Variants in SAMMSON observed in about 807,000 individuals in gnomAD.
The protein encoded by SAMMSON is survival associated mitochondrial melanoma specific oncogenic non-coding RNA.
At chr3:70,387,370 A>G (rs1190331216) in intron 9 of SAMMSON, among the ~76,000 whole-genome samples, 1 of 152,070 alleles carries the variant, frequency 6.6e-6, no homozygotes, top group African/African-American at 2.4e-5. Flanking sequence ...TTTATGAAGG[A>G]GACTCTGTCC....
chr3:70,425,577 A>AT (rs72059563), intron 2 of SAMMSON, among the ~76,000 whole-genome samples: 60,947 of 150,080 alleles, frequency 0.41, 13,685 homozygotes, highest in African/African-American at 0.58. Flanking sequence ...ACGCCCAGCT[A>AT]TTTTTTTTCT....
At chr3:70,405,851 A>C (rs1486736451) in intron 2 of SAMMSON, among the ~76,000 whole-genome samples, 2 of 152,238 alleles carry the variant, frequency 1.3e-5, no homozygotes, top group Non-Finnish European at 2.9e-5. Context: ...AAGTTCAATG[A>C]ATAATGTGTA....
chr3:70,225,005 C>T (rs1701490305), intron 4 of SAMMSON, among the ~76,000 whole-genome samples: 2 of 152,166 alleles, frequency 1.3e-5, no homozygotes, highest in South Asian at 2.1e-4. Flanking sequence ...AATGTTGATA[C>T]GTGTACTCAA....
chr3:70,369,487 AT>A (rs1206551001), intron 9 of SAMMSON, among the ~76,000 whole-genome samples: 9 of 150,216 alleles, frequency 6.0e-5, no homozygotes, highest in Admixed American at 6.0e-4. Context: ...AAGCAGTTTA[AT>A]TTTTTTTCCG....
In SAMMSON at chr3:70,294,160, A is replaced by G. The variant is rs147462641; in HGVS notation, n.739+2917A>G. Among the ~76,000 whole-genome samples, 206 of 152,316 alleles carry G rather than the reference A, an allele frequency of 1.4e-3. 3 individuals carry two copies. The highest frequency in any genetic ancestry group is 8.1e-4 in the Non-Finnish European group (55 of 68,014). ...TTGTTCAAAATAATACTACCCTAGC[A>G]TTTAAAAACTAGTGTATAGAAATTT... is the stretch of plus-strand genomic sequence containing the variant. On this transcript the variant is annotated intron_variant and non_coding_transcript_variant, in intron 7 of 9. Transcript: ENST00000642114.
At chr3:70,362,899 T>C (rs1437427280) in intron 9 of SAMMSON, among the ~76,000 whole-genome samples, 1 of 151,358 alleles carries the variant, frequency 6.6e-6, no homozygotes, top group Non-Finnish European at 1.5e-5. Context: ...ACATGTTAGA[T>C]GGAGTTTATC....
At chr3:70,257,809 T>C (rs1225581527) in intron 6 of SAMMSON, among the ~76,000 whole-genome samples, 1 of 152,204 alleles carries the variant, frequency 6.6e-6, no homozygotes, top group Non-Finnish European at 1.5e-5. Context: ...ATGCAATAGA[T>C]CTAGGTAAGC....
chr3:70,170,579 C>CTTTTTTTTTTTTTTTTTTTTT (rs538385626), intron 4 of SAMMSON, among the ~76,000 whole-genome samples: 16 of 105,500 alleles, frequency 1.5e-4, no homozygotes, highest in Non-Finnish European at 1.9e-4. Context: ...CTAGATTTTC[C>CTTTTTTTTTTTTTTTTTTTTT]TTTTTTTTTT....
intron 2 of SAMMSON, among the ~76,000 whole-genome samples, chr3:70,424,206 A>T (rs1360558362): frequency 6.6e-6 from 1 of 152,184 alleles, no homozygotes; most frequent in Non-Finnish European, 1.5e-5. Flanking sequence ...TTATCTCATT[A>T]ATTAATTAAA....
At chr3:70,320,795 G>T (rs1702533558) in intron 7 of SAMMSON, among the ~76,000 whole-genome samples, 1 of 152,054 alleles carries the variant, frequency 6.6e-6, no homozygotes, top group Non-Finnish European at 1.5e-5. Context: ...ACCTACTTAG[G>T]TTAACTGTAG....
At chr3:70,201,997 T>C (rs949790886) in intron 4 of SAMMSON, among the ~76,000 whole-genome samples, 3 of 152,192 alleles carry the variant, frequency 2.0e-5, no homozygotes, top group Admixed American at 2.0e-4. Context: ...CTTTTATCTC[T>C]CTCTGAATGT....
chr3:70,074,348 G>A (rs2067240938), intron 4 of SAMMSON, among the ~76,000 whole-genome samples: 1 of 152,008 alleles, frequency 6.6e-6, no homozygotes, highest in South Asian at 2.1e-4. Flanking sequence ...GCCCCTTTAG[G>A]AGATAGGGAA....
chr3:70,342,753 A>G (rs1487833683), intron 7 of SAMMSON, among the ~76,000 whole-genome samples: 1 of 152,184 alleles, frequency 6.6e-6, no homozygotes, highest in African/African-American at 2.4e-5. Context: ...TGAAGTCATT[A>G]TTGGTGATGC....
intron 7 of SAMMSON, among the ~76,000 whole-genome samples, chr3:70,322,491 C>T (rs1252646669): frequency 6.6e-6 from 1 of 152,120 alleles, no homozygotes; most frequent in African/African-American, 2.4e-5. Flanking sequence ...TCGTCCAGTA[C>T]TTGATCTTCT....
intron 9 of SAMMSON, among the ~76,000 whole-genome samples, chr3:70,377,984 G>T (rs1225960413): frequency 1.3e-5 from 2 of 152,006 alleles, no homozygotes; most frequent in Non-Finnish European, 2.9e-5. Context: ...CTCATACATT[G>T]ATGGTGGGAT....
At chr3:70,213,054 C>T (rs1701366278) in intron 4 of SAMMSON, among the ~76,000 whole-genome samples, 1 of 152,044 alleles carries the variant, frequency 6.6e-6, no homozygotes, top group South Asian at 2.1e-4. Context: ...AGGGATTCAC[C>T]TGCCTTGGCC....
chr3:70,062,129 G>A (rs1478841341), intron 3 of SAMMSON, among the ~76,000 whole-genome samples: 1 of 152,098 alleles, frequency 6.6e-6, no homozygotes, highest in East Asian at 1.9e-4. Context: ...GTGTGCCACT[G>A]TTTCCTCTGC....
intron 3 of SAMMSON, among the ~76,000 whole-genome samples, chr3:70,022,426 C>CAAAAAAAAAA (rs60455629): frequency 8.8e-5 from 8 of 91,122 alleles, no homozygotes; most frequent in Non-Finnish European, 1.6e-4. Context: ...AGTATAATAA[C>CAAAAAAAAAA]AAAAAAAAAA....
At chr3:70,335,172 A>C (rs1427716593) in intron 7 of SAMMSON, among the ~76,000 whole-genome samples, 1 of 152,054 alleles carries the variant, frequency 6.6e-6, no homozygotes. Context: ...GCAGTGAATT[A>C]ATGCTATTTT....
Sources: gnomAD v4.1 joint callset for allele counts (sites outside exome capture counted in the v4.1 genomes callset) on GRCh38, gnomAD v4.1.1 for gene constraint, MANE v1.5 for transcripts, NCBI Gene and HGNC (gene_info 2026-07-23, HGNC 2026-07-21) for gene names.